Variants in SENP6 observed in about 807,000 individuals in gnomAD.
The protein encoded by SENP6 is sentrin-specific protease 6.
A neutral mutation model predicts 134.5 loss-of-function variants in SENP6; 41 were observed. The observed-to-expected ratio is 0.30, with a 90% confidence interval of 0.24 to 0.40. The LOEUF is 0.40. Ranked by LOEUF, SENP6 falls within the 10% of genes least tolerant of loss-of-function variation. The pLI is 1.00. For missense variants in SENP6, 1,248 were observed against 1,312.5 expected, an observed-to-expected ratio of 0.95 and a Z score of 0.76; for synonymous variants, 395 against 429.8, an observed-to-expected ratio of 0.92 and a Z score of 1.00.
intron 16 of SENP6, among the ~76,000 whole-genome samples, chr6:75,683,626 T>C (rs2149884391): frequency 6.6e-6 from 1 of 152,294 alleles, no homozygotes; most frequent in East Asian, 1.9e-4. Flanking sequence ...GCTAGCCAGT[T>C]TTCCCAGCAC....
chr6:75,671,422 T>C (rs776822267), intron 11 of SENP6, among the ~76,000 whole-genome samples: 1 of 152,164 alleles, frequency 6.6e-6, no homozygotes, highest in Non-Finnish European at 1.5e-5. Context: ...CATAAAGCAC[T>C]TGTCTTTAAG....
At chr6:75,607,863 G>C (rs1197426668) in intron 1 of SENP6, among the ~76,000 whole-genome samples, 1 of 152,174 alleles carries the variant, frequency 6.6e-6, no homozygotes, top group Non-Finnish European at 1.5e-5. Flanking sequence ...CAGTTTGCCA[G>C]TTTTACTGGA....
chr6:75,615,368 C>T (rs1166853277), intron 1 of SENP6, among the ~76,000 whole-genome samples: 6 of 151,766 alleles, frequency 4.0e-5, no homozygotes, highest in African/African-American at 7.3e-5. Context: ...TTAGTAGAGA[C>T]GGGGTTTCGC....
chr6:75,632,202 A>T (rs970801919), intron 3 of SENP6, among the ~76,000 whole-genome samples: 1 of 152,208 alleles, frequency 6.6e-6, no homozygotes, highest in Non-Finnish European at 1.5e-5. Flanking sequence ...AAGTGATACC[A>T]TAGCAGAACT....
At chr6:75,622,713 C>A in intron 2 of SENP6, 2 of 1,036,208 alleles carry the variant, frequency 1.9e-6, no homozygotes, top group Non-Finnish European at 2.6e-6. Context: ...AATTTTTATA[C>A]AAGAAGTCAT....
At chr6:75,652,631 G>A (rs1475830589) in intron 7 of SENP6, among the ~76,000 whole-genome samples, 2 of 122,106 alleles carry the variant, frequency 1.6e-5, no homozygotes, top group Non-Finnish European at 3.2e-5. Context: ...GAGGTCAGGA[G>A]TTTGAAACCA....
chr6:75,633,937 C>G (rs577297252), intron 4 of SENP6, among the ~76,000 whole-genome samples: 4 of 152,120 alleles, frequency 2.6e-5, no homozygotes, highest in African/African-American at 9.7e-5. Context: ...TAAAACATTG[C>G]AAGAAATACT....
At chr6:75,603,570 C>T (rs1766801694) in intron 1 of SENP6, among the ~76,000 whole-genome samples, 1 of 152,102 alleles carries the variant, frequency 6.6e-6, no homozygotes, top group African/African-American at 2.4e-5. Flanking sequence ...CAAAAAATAA[C>T]TTCTTTTAGT....
intron 19 of SENP6, among the ~76,000 whole-genome samples, chr6:75,706,877 T>A (rs1320967090): frequency 6.6e-6 from 1 of 152,260 alleles, no homozygotes; most frequent in Non-Finnish European, 1.5e-5. Flanking sequence ...TTTCACTTGC[T>A]GTTTTTTCAC....
chr6:75,602,368 G>A lies in SENP6; in HGVS notation c.-157G>A, dbSNP rs1277495836. The A allele has an allele frequency of 2.4e-6, 2 of 824,892 alleles. No homozygotes were observed. Among genetic ancestry groups the A allele is most frequent in the East Asian group, 2.7e-5 (1 of 37,192 alleles). The allele number at this position is 824,892 out of a possible 1,614,324, so 51.1% of individuals were successfully genotyped here. A position where few individuals can be genotyped will look rare whatever the true frequency, so the allele number is the denominator to read the frequency against. Reference sequence around the variant, plus strand: ...GGCGCGCCTGGCCTGCCTTTGTATAGGCCCGTCTGAACGTGGGAGCGCAGC... The same window carrying A: ...GGCGCGCCTGGCCTGCCTTTGTATAAGCCCGTCTGAACGTGGGAGCGCAGC... On this transcript the variant is annotated 5_prime_UTR_variant, in exon 1 of 24. Transcript: ENST00000447266.
chr6:75,640,345 T>G (rs1319383220), intron 5 of SENP6, among the ~76,000 whole-genome samples: 4 of 152,184 alleles, frequency 2.6e-5, no homozygotes, highest in African/African-American at 9.7e-5. Context: ...CTATCATCAG[T>G]TTCAGGCACC....
chr6:75,656,258 A>G (rs1390383510), intron 7 of SENP6, among the ~76,000 whole-genome samples: 1 of 151,188 alleles, frequency 6.6e-6, no homozygotes, highest in Admixed American at 6.6e-5. Flanking sequence ...TACAAAATCT[A>G]GTAGGGAGTA....
At chr6:75,680,505 C>T (rs1219627351) in intron 16 of SENP6, among the ~76,000 whole-genome samples, 1 of 151,816 alleles carries the variant, frequency 6.6e-6, no homozygotes, top group African/African-American at 2.4e-5. Flanking sequence ...AAGAGATAGA[C>T]CGGGAATAAA....
chr6:75,697,262 A>G (rs537420367), intron 17 of SENP6, among the ~76,000 whole-genome samples, 163 bp from the exon 18 acceptor site: 1 of 152,204 alleles, frequency 6.6e-6, no homozygotes, highest in Non-Finnish European at 1.5e-5. Context: ...ATGCCTTCCT[A>G]GTTTCCATCC....
Position 75,701,785 on chromosome 6 carries a change from G to A in SENP6, c.2289-860G>A, listed in dbSNP as rs570803973. Among the ~76,000 whole-genome samples, 21 of 151,830 alleles carry A rather than the reference G, an allele frequency of 1.4e-4. 1 individual carries two copies. Among genetic ancestry groups the A allele is most frequent in the Admixed American group, 1.2e-3 (19 of 15,244 alleles). On this transcript the variant is annotated intron_variant, in intron 18 of 23. Transcript: ENST00000447266. ...CTCCCAAGTAGCTGGGACTACAGGC[G>A]CACACTACCACGCCCAGCTAATTTT... is the stretch of plus-strand genomic sequence containing the variant.
intron 7 of SENP6, among the ~76,000 whole-genome samples, chr6:75,653,316 C>T (rs962926684): frequency 6.6e-6 from 1 of 152,176 alleles, no homozygotes; most frequent in Non-Finnish European, 1.5e-5. Flanking sequence ...CAGGCATGAG[C>T]CACTGTGCCT....
intron 19 of SENP6, among the ~76,000 whole-genome samples, chr6:75,708,054 G>C (rs1013193844): frequency 5.3e-5 from 8 of 152,074 alleles, no homozygotes; most frequent in Non-Finnish European, 8.8e-5. Context: ...TTAGATTTAT[G>C]TATCTTTTCT....
At chr6:75,648,065 A>G (rs1316640012) in intron 7 of SENP6, among the ~76,000 whole-genome samples, 1 of 152,180 alleles carries the variant, frequency 6.6e-6, no homozygotes, top group East Asian at 1.9e-4. Context: ...GTGTAACTGT[A>G]GTTGAGCTAT....
At chr6:75,665,655 C>T (rs1488834789) in intron 9 of SENP6, among the ~76,000 whole-genome samples, 37 of 152,208 alleles carry the variant, frequency 2.4e-4, no homozygotes, top group Non-Finnish European at 7.3e-5. Flanking sequence ...CTCAACAAGA[C>T]TTATTGAACA....
Sources: gnomAD v4.1 joint callset for allele counts (sites outside exome capture counted in the v4.1 genomes callset) on GRCh38, gnomAD v4.1.1 for gene constraint, MANE v1.5 for transcripts, NCBI Gene and HGNC (gene_info 2026-07-23, HGNC 2026-07-21) for gene names.